Variants in LAMC3 observed in about 807,000 individuals in gnomAD.
LAMC3 encodes the protein laminin subunit gamma 3.
LAMC3 carries 128 observed loss-of-function variants against 173.8 expected under a neutral mutation model. The observed-to-expected ratio is 0.74, with a 90% CI of 0.64 to 0.85. The LOEUF (loss-of-function observed/expected upper bound fraction) is 0.85. LAMC3 is among the 40% of genes least tolerant of loss of function. LAMC3 has a pLI of 0.00. For synonymous variants in LAMC3, 897 were observed against 909.1 expected (o/e 0.99, Z 0.24); for missense variants, 2,022 against 2,156.0 (o/e 0.94, Z 1.23).
chr9:131,067,128 C>G lies in LAMC3; in HGVS notation c.2516C>G (p.Thr839Arg), dbSNP rs57816762. 3.1e-6 allele frequency: 5 copies of G among 1,614,050 alleles called. No individual in the cohort carries two copies. The highest frequency in any genetic ancestry group is 4.2e-6 in the Non-Finnish European group (5 of 1,180,040). The change falls in exon 14 of 28, where the codon ACG becomes AGG. Residue 839 changes from threonine to arginine, a missense_variant. Coordinates refer to ENST00000361069, the MANE Select transcript of LAMC3 (RefSeq NM_006059.4). ...TGCCTGCGCTGCCTGCACAACACCA[C>G]GGGTGACCACTGTGAGCACTGTCAG... ...GHCLRCLHNT[T>R]GDHCEHCQEG... is the part of the protein sequence containing the mutation.
At chr9:131,076,209 A>T (rs1045974241) in intron 21 of LAMC3, among the ~76,000 whole-genome samples, 1 of 152,106 alleles carries the variant, frequency 6.6e-6, no homozygotes, top group African/African-American at 2.4e-5. Context: ...GAGAAGAGAC[A>T]AGAACTGGAA....
intron 11 of LAMC3, among the ~76,000 whole-genome samples, chr9:131,056,141 A>G (rs1029754042): frequency 2.0e-5 from 3 of 151,764 alleles, no homozygotes; most frequent in Non-Finnish European, 4.4e-5. Flanking sequence ...GGCTGCAGTG[A>G]GCTATGGTTG....
chr9:131,091,973 G>C lies in LAMC3; in HGVS notation c.*186G>C, dbSNP rs367910097. On this transcript the variant is annotated 3_prime_UTR_variant, in exon 28 of 28. Coordinates refer to ENST00000361069, the MANE Select transcript of LAMC3 (RefSeq NM_006059.4). ...GCTTCTTCCCTGCCAGCAGGACTGA[G>C]TGTGCGTACCCAGTTCACCTGGACA... 39 of 704,540 alleles carry C rather than the reference G, an allele frequency of 5.5e-5. No homozygotes were observed. The highest frequency in any genetic ancestry group is 2.7e-4 in the East Asian group (10 of 36,702). The allele number at this position is 704,540 out of a possible 1,614,324, so 43.6% of individuals were successfully genotyped here.
intron 11 of LAMC3, among the ~76,000 whole-genome samples, chr9:131,055,159 G>A (rs1588154096): frequency 1.3e-5 from 2 of 152,304 alleles, no homozygotes; most frequent in Non-Finnish European, 2.9e-5. Flanking sequence ...GCTGGAAATG[G>A]AGATGTTAGG....
At position 131,041,720 on chromosome 9, in the gene LAMC3, G is replaced by A. The variant is rs1588147392; in HGVS notation, c.1367G>A (p.Gly456Asp). Residue 456 changes from glycine (G) to aspartate (D), a missense_variant, in exon 7 of 28, where the codon GGC becomes GAC. Physicochemically the swap from Gly to Asp is moderately conservative, Grantham distance 94. Coordinates refer to ENST00000361069, the MANE Select transcript of LAMC3 (RefSeq NM_006059.4). ...TGCCCCTGCAAAGAGAATGTGGAAG[G>A]CAACCTATGTGACAGGTTTGTGAGC... is the stretch of plus-strand genomic sequence containing the variant. ...GRCPCKENVE[G>D]NLCDRCRPGT... The A allele has an allele frequency of 3.1e-6, 5 of 1,613,678 alleles. No homozygotes were observed. The South Asian group carries it at 3.3e-5, about 11-fold the overall frequency.
In LAMC3 at chr9:131,056,853, A is replaced by C. The variant is rs10901335; in HGVS notation, c.1940-76A>C. The C allele has an allele frequency of 0.48, 550,662 of 1,143,698 alleles. 134,063 individuals are homozygous for C. Among genetic ancestry groups the C allele is most frequent in the Middle Eastern group, 0.51 (2,077 of 4,064 alleles). 70.8% of individuals were successfully genotyped at this position (1,143,698 alleles called of 1,614,324 possible). On this transcript the variant is annotated intron_variant, in intron 11 of 27. Transcript: ENST00000361069. Reference sequence around the variant, plus strand: ...ATACGTGGGCCTGGTCCATATGTGAACAGGAAGGTTTTGGGGGGAAGCATG... The same window carrying C: ...ATACGTGGGCCTGGTCCATATGTGACCAGGAAGGTTTTGGGGGGAAGCATG...
At chr9:131,073,432 G>C in intron 20 of LAMC3, 111 bp downstream of exon 20, 1 of 815,990 alleles carries the variant, frequency 1.2e-6, no homozygotes, top group East Asian at 2.6e-5. Context: ...GATATTACAA[G>C]AGCTGTCTGA....
In LAMC3 at chr9:131,055,793, A is replaced by G. The variant is rs565037396; in HGVS notation, c.1940-1136A>G. On this transcript the variant is annotated intron_variant, in intron 11 of 27. Coordinates refer to ENST00000361069, the MANE Select transcript of LAMC3 (RefSeq NM_006059.4). ...ACACATTATAGTTGATCTAAATACA[A>G]GATGTTCACTTTCCTTGCAGGTAAG... Among the ~76,000 whole-genome samples, 3 of 152,106 alleles carry G rather than the reference A, an allele frequency of 2.0e-5. No individual in the cohort carries two copies. In the East Asian group the frequency reaches 5.8e-4, roughly 29 times the overall value.
In LAMC3 at chr9:131,057,003, A is replaced by T; in HGVS notation, c.2014A>T (p.Ile672Phe). 2 of 1,613,912 alleles carry T rather than the reference A, an allele frequency of 1.2e-6. No individual in the cohort carries two copies. ...TTCCCCGCCAGCCTCCTGGGTGGAGATTTGTTCATGTCCCACTGGCTACAC... is the reference window on the plus strand; with the variant it reads ...TTCCCCGCCAGCCTCCTGGGTGGAGTTTTGTTCATGTCCCACTGGCTACAC... ...GLSPPASWVE[I>F]CSCPTGYTGQ... The change falls in exon 12 of 28, where the codon ATT becomes TTT. Residue 672 changes from isoleucine to phenylalanine, a missense_variant. Physicochemically the swap from Ile to Phe is conservative, Grantham distance 21 (BLOSUM62 0). Coordinates refer to ENST00000361069, the MANE Select transcript of LAMC3 (RefSeq NM_006059.4).
chr9:131,084,015 C>G (rs1830286649), intron 24 of LAMC3, among the ~76,000 whole-genome samples: 1 of 149,296 alleles, frequency 6.7e-6, no homozygotes, highest in Non-Finnish European at 1.5e-5. Context: ...GCTGGGATTA[C>G]AGGTGCCCGC....
intron 1 of LAMC3, among the ~76,000 whole-genome samples, chr9:131,014,133 A>G (rs1833476604): frequency 6.6e-6 from 1 of 152,196 alleles, no homozygotes; most frequent in East Asian, 1.9e-4. Flanking sequence ...CTAATCCAGG[A>G]GATGCAGGGC....
intron 21 of LAMC3, among the ~76,000 whole-genome samples, chr9:131,076,458 A>C (rs187177392): frequency 9.9e-5 from 15 of 152,234 alleles, no homozygotes; most frequent in Admixed American, 2.0e-4. Context: ...TAAACGAGAC[A>C]TTCCTAAACG....
At chr9:131,078,390 G>A in intron 22 of LAMC3, among the ~76,000 whole-genome samples, 1 of 152,122 alleles carries the variant, frequency 6.6e-6, no homozygotes, top group South Asian at 2.1e-4. Context: ...TACTCGGGAG[G>A]CTGAGAATGG....
chr9:131,081,964 G>C, intron 23 of LAMC3, 95 bp from the exon 24 acceptor site: 1 of 820,660 alleles, frequency 1.2e-6, no homozygotes, highest in South Asian at 1.4e-5. Flanking sequence ...GTGATGATTT[G>C]GGCACCCATG....
intron 8 of LAMC3, among the ~76,000 whole-genome samples, chr9:131,047,714 T>A (rs1834197333): frequency 6.7e-6 from 1 of 150,262 alleles, no homozygotes; most frequent in African/African-American, 2.4e-5. Context: ...AATACAAAAA[T>A]TAGCCAGGCG....
intron 24 of LAMC3, among the ~76,000 whole-genome samples, chr9:131,084,593 T>C (rs1479663069): frequency 2.0e-5 from 3 of 152,192 alleles, no homozygotes; most frequent in Non-Finnish European, 2.9e-5. Context: ...GATAATAAAA[T>C]CTATGGGAAT....
rs3818800 is a variant in LAMC3 at position 131,075,843 on chromosome 9, C to G, written c.3507C>G (p.Thr1169=). Residue 1169 remains threonine, a synonymous_variant, in exon 21 of 28, where the codon ACC becomes ACG. Coordinates refer to ENST00000361069, the MANE Select transcript of LAMC3 (RefSeq NM_006059.4). ...TGTCCTCACACAGCCACAGAGACACCGCCACCAAGATCGCAGCCACTGCTT... is the reference window on the plus strand; with the variant it reads ...TGTCCTCACACAGCCACAGAGACACGGCCACCAAGATCGCAGCCACTGCTT... The part of the protein sequence containing the change: ...ARALARSHRD[T]ATKIAATAWR... The G allele has an allele frequency of 3.7e-6, 6 of 1,611,028 alleles. No homozygotes were observed. The East Asian group carries it at 6.7e-5, about 18-fold the overall frequency.
chr9:131,040,783 CCA>C (rs780746755), intron 6 of LAMC3, among the ~76,000 whole-genome samples: 27 of 152,156 alleles, frequency 1.8e-4, no homozygotes, highest in Admixed American at 1.3e-4. Flanking sequence ...ACCTTCCCTC[CCA>C]CCTGCCCCTC....
intron 17 of LAMC3, among the ~76,000 whole-genome samples, chr9:131,070,527 A>G (rs1193200181): frequency 6.6e-6 from 1 of 152,168 alleles, no homozygotes; most frequent in Non-Finnish European, 1.5e-5. Flanking sequence ...CCTGGACAAC[A>G]TGGTGAAACC....
Sources: gnomAD v4.1 joint callset for allele counts (sites outside exome capture counted in the v4.1 genomes callset) on GRCh38, gnomAD v4.1.1 for gene constraint, MANE v1.5 for transcripts, NCBI Gene and HGNC (gene_info 2026-07-23, HGNC 2026-07-21) for gene names.